Variants in OPHN1 observed in about 807,000 individuals in gnomAD.
The protein encoded by OPHN1 is oligophrenin-1.
In OPHN1, 11 loss-of-function variants were observed where a neutral mutation model predicts 60.7. That is an observed-to-expected ratio of 0.18 (90% CI 0.11 to 0.30). The LOEUF is 0.30. OPHN1 is among the 10% of genes least tolerant of loss of function. OPHN1 has a pLI of 1.00. For missense variants in OPHN1, 449 were observed against 611.0 expected, an observed-to-expected ratio of 0.73 and a Z score of 2.80; for synonymous variants, 226 against 222.6, an observed-to-expected ratio of 1.02 and a Z score of -0.14.
At chrX:68,167,785 C>T (rs973817007) in intron 15 of OPHN1, among the ~76,000 whole-genome samples, 1 of 109,220 alleles carries the variant, frequency 9.2e-6, no homozygotes, top group African/African-American at 3.3e-5. Flanking sequence ...TCTGCCCATC[C>T]ATGTTTGTTG....
In OPHN1 at chrX:68,228,191, T is replaced by C. The variant is rs748668662; in HGVS notation, c.486+6296A>G. 3.6e-5 allele frequency among the ~76,000 whole-genome samples: 4 copies of C among 111,646 alleles called. No homozygotes were observed. The South Asian group carries it at 1.1e-3, about 31-fold the overall frequency. The stretch of plus-strand genomic sequence containing the variant: ...GATAAATTCCTGGACACATGAACCC[T>C]CCCAAGACTAAACCAGGAAGAAGTT... On this transcript the variant is annotated intron_variant, in intron 6 of 24. Transcript: ENST00000355520.
chrX:68,232,338 G>A (rs915146691), intron 6 of OPHN1, among the ~76,000 whole-genome samples: 21 of 111,673 alleles, frequency 1.9e-4, no homozygotes, highest in Non-Finnish European at 3.0e-4. Context: ...ACAGCCGACT[G>A]AGCAAAGAGA....
chrX:68,275,853 T>C (rs1341376415), intron 4 of OPHN1, among the ~76,000 whole-genome samples: 1 of 111,051 alleles, frequency 9.0e-6, no homozygotes, highest in East Asian at 2.8e-4. Context: ...TCAGGTAATT[T>C]GGGCCTCTTG....
chrX:68,397,026 C>A (rs1364110039), intron 2 of OPHN1, among the ~76,000 whole-genome samples: 1 of 110,495 alleles, frequency 9.1e-6, no homozygotes. Context: ...GGGTGGCTAG[C>A]GAAAACTGCC....
intron 4 of OPHN1, among the ~76,000 whole-genome samples, chrX:68,282,496 G>A (rs958125796): frequency 5.9e-4 from 66 of 111,612 alleles, no homozygotes; most frequent in Non-Finnish European, 1.1e-3. Context: ...TTATATATTT[G>A]TCAAATCTAT....
rs2076826831 is a variant in OPHN1, at chrX:68,044,675, T to C, written c.*2497A>G. ...CCTCGCCACAGAAGCTTTTTGCACT[T>C]TAAGTCAGAGTGCCAAAGGCAGGCG... is the stretch of plus-strand genomic sequence containing the variant. On this transcript the variant is annotated 3_prime_UTR_variant, in exon 25 of 25. Transcript: ENST00000355520. 1 of 112,438 alleles carries C rather than the reference T, an allele frequency of 8.9e-6. No individual in the cohort carries two copies. The highest frequency in any genetic ancestry group is 1.9e-5 in the Non-Finnish European group (1 of 53,295). The allele number at this position is 112,438 out of a possible 1,213,427, so 9.3% of individuals were successfully genotyped here. A position where few individuals can be genotyped will look rare whatever the true frequency, so the allele number is the denominator to read the frequency against.
chrX:68,044,081 C>A lies in OPHN1; in HGVS notation c.*3091G>T, dbSNP rs2076824896. The A allele has an allele frequency of 1.8e-5, 2 of 112,616 alleles. No individual in the cohort carries two copies. The highest frequency in any genetic ancestry group is 3.7e-5 in the Non-Finnish European group (2 of 53,343). 9.3% of individuals were successfully genotyped at this position (112,616 alleles called of 1,213,427 possible). A position where few individuals can be genotyped will look rare whatever the true frequency, so the allele number is the denominator to read the frequency against. ...TTAAAAACATTACCAAATGTGCAAG[C>A]TGAATATGAAGAGAAAGCCTAACTC... On this transcript the variant is annotated 3_prime_UTR_variant, in exon 25 of 25. Transcript: ENST00000355520.
At chrX:68,301,491 T>G (rs2147631112) in intron 2 of OPHN1, among the ~76,000 whole-genome samples, 1 of 108,837 alleles carries the variant, frequency 9.2e-6, no homozygotes, top group East Asian at 2.9e-4. Context: ...TTCACAGCTC[T>G]TCTTGAAACA....
chrX:68,227,160 A>T (rs1029265707), intron 6 of OPHN1, among the ~76,000 whole-genome samples: 9 of 112,075 alleles, frequency 8.0e-5, no homozygotes, highest in Non-Finnish European at 1.7e-4. Context: ...GAGACAAAGA[A>T]GGCCATTACA....
At chrX:68,334,459 T>C (rs886859155) in intron 2 of OPHN1, among the ~76,000 whole-genome samples, 2 of 111,403 alleles carry the variant, frequency 1.8e-5, no homozygotes, top group East Asian at 2.8e-4. Context: ...TATTTTAATA[T>C]ACACAATTTT....
intron 2 of OPHN1, among the ~76,000 whole-genome samples, chrX:68,376,529 G>A (rs768788037): frequency 1.8e-5 from 2 of 111,402 alleles, no homozygotes; most frequent in South Asian, 3.8e-4. Flanking sequence ...TGGTGGGTGT[G>A]TTACTGGTTG....
At chrX:68,364,247 G>A (rs1303093696) in intron 2 of OPHN1, among the ~76,000 whole-genome samples, 2 of 111,941 alleles carry the variant, frequency 1.8e-5, no homozygotes, top group East Asian at 5.6e-4. Context: ...AACAGCAAGT[G>A]TCTTTGATGG....
chrX:68,087,398 G>A (rs1398651250), intron 19 of OPHN1, among the ~76,000 whole-genome samples: 1 of 111,993 alleles, frequency 8.9e-6, no homozygotes, highest in East Asian at 2.8e-4. Flanking sequence ...ATAATTTGCT[G>A]GGCTTTGAGA....
intron 2 of OPHN1, among the ~76,000 whole-genome samples, chrX:68,405,092 A>G (rs2078735449): frequency 8.9e-6 from 1 of 112,571 alleles, no homozygotes; most frequent in Non-Finnish European, 1.9e-5. Context: ...AATTTTAAAA[A>G]AAGAATTCGT....
At chrX:68,096,641 C>T (rs1464703559) in intron 19 of OPHN1, among the ~76,000 whole-genome samples, 1 of 111,366 alleles carries the variant, frequency 9.0e-6, no homozygotes, top group African/African-American at 3.3e-5. Context: ...TCTTCATTAC[C>T]CCCAGTATTT....
intron 2 of OPHN1, among the ~76,000 whole-genome samples, chrX:68,353,078 G>A (rs2147706669): frequency 9.1e-6 from 1 of 109,488 alleles, no homozygotes; most frequent in East Asian, 2.9e-4. Context: ...CTTCAGCTCA[G>A]GAAGCCGAGG....
intron 2 of OPHN1, among the ~76,000 whole-genome samples, chrX:68,352,220 T>C (rs1400752821): frequency 9.1e-6 from 1 of 109,746 alleles, no homozygotes; most frequent in Non-Finnish European, 1.9e-5. Flanking sequence ...TAAAACCTTC[T>C]TAAGGGGCTT....
At chrX:68,418,069 A>C (rs2147783619) in intron 2 of OPHN1, among the ~76,000 whole-genome samples, 1 of 112,706 alleles carries the variant, frequency 8.9e-6, no homozygotes, top group East Asian at 2.8e-4. Context: ...CCAGAGGAGC[A>C]GAAGCTGATT....
At chrX:68,130,664 C>T (rs2077190515) in intron 15 of OPHN1, among the ~76,000 whole-genome samples, 1 of 110,850 alleles carries the variant, frequency 9.0e-6, no homozygotes, top group Non-Finnish European at 1.9e-5. Flanking sequence ...TATAGAGCCA[C>T]CAGAACAACA....
Sources: allele counts gnomAD v4.1 joint callset (sites outside exome capture counted in the v4.1 genomes callset), GRCh38; gene constraint gnomAD v4.1.1; transcripts MANE v1.5; gene names NCBI Gene and HGNC (gene_info 2026-07-23, HGNC 2026-07-21).